PGM1: variants seen among roughly 807,000 people sequenced by gnomAD.
The protein encoded by PGM1 is phosphoglucomutase 1, also known as phosphoglucomutase-1.
A neutral mutation model predicts 55.6 loss-of-function variants in PGM1; 52 were observed. The observed-to-expected ratio is 0.94, with a 90% CI of 0.75 to 1.18. PGM1 has a LOEUF of 1.18. PGM1 is among the 50% of genes most tolerant of loss of function. The pLI is 0.00. For missense variants in PGM1, 724 were observed against 729.3 expected (o/e 0.99, Z 0.08); for synonymous variants, 287 against 271.7 (o/e 1.06, Z -0.55).
chr1:63,633,688 G>T (rs1430180225), intron 4 of PGM1, among the ~76,000 whole-genome samples: 1 of 149,130 alleles, frequency 6.7e-6, no homozygotes, highest in Non-Finnish European at 1.5e-5. Flanking sequence ...TTTTTTTTGA[G>T]ACGGAGTCTT....
chr1:63,644,037 C>T (rs1157721094), intron 7 of PGM1, among the ~76,000 whole-genome samples: 1 of 152,206 alleles, frequency 6.6e-6, no homozygotes, highest in East Asian at 1.9e-4. Context: ...TGTCACCTGG[C>T]AGGGGCAGAA....
chr1:63,600,083 G>C (rs1387927571), intron 1 of PGM1: 1 of 152,234 alleles, frequency 6.6e-6, no homozygotes, highest in East Asian at 1.9e-4. Flanking sequence ...AGAGCGGATA[G>C]TGTGCGATAG....
Position 63,593,651 on chromosome 1 carries a change from G to T in PGM1, c.163G>T (p.Ala55Ser), listed in dbSNP as rs1418570453. The change falls in exon 1 of 11, where the codon GCC becomes TCC. Residue 55 changes from alanine (A) to serine (S), a missense_variant. Around this residue, in one of 3 missense-constraint regions of PGM1, gnomAD observed 379 missense variants for 357.5 expected, o/e 1.06. Transcript: ENST00000371084. ...CGTGGAGCCGGCGCAGCGGCAGGAGGCCACGCTGGTGGTGGGCGGGGACGG... is the reference window on the plus strand; with the variant it reads ...CGTGGAGCCGGCGCAGCGGCAGGAGTCCACGCTGGTGGTGGGCGGGGACGG... ...STVEPAQRQE[A>S]TLVVGGDGRF... is the part of the protein sequence containing the mutation. 2 of 1,610,380 alleles carry T rather than the reference G, an allele frequency of 1.2e-6. No individual in the cohort carries two copies. The highest frequency in any genetic ancestry group is 1.7e-6 in the Non-Finnish European group (2 of 1,178,762).
chr1:63,653,629 A>G (rs1399747848), intron 9 of PGM1, among the ~76,000 whole-genome samples: 1 of 152,040 alleles, frequency 6.6e-6, no homozygotes. Context: ...GGAAATATCT[A>G]CCCCAGAGTT....
intron 1 of PGM1, among the ~76,000 whole-genome samples, chr1:63,601,277 T>C (rs947480511): frequency 6.6e-6 from 1 of 152,192 alleles, no homozygotes; most frequent in African/African-American, 2.4e-5. Flanking sequence ...GTTGTGAAAC[T>C]CCAGAGTTCC....
At chr1:63,623,293 A>C in intron 1 of PGM1, 1 of 1,447,486 alleles carries the variant, frequency 6.9e-7, no homozygotes. Flanking sequence ...AGGGACAACA[A>C]CAACAAGGAA....
intron 1 of PGM1, among the ~76,000 whole-genome samples, chr1:63,604,959 G>GTGTGTGTGTGTGTGTGTGTGTGTGTT (rs58900430): frequency 7.4e-6 from 1 of 134,236 alleles, no homozygotes; most frequent in Non-Finnish European, 1.6e-5. Context: ...GTGTGTGTGT[G>GTGTGTGTGTGTGTGTGTGTGTGTGTT]TAAAGAGAGG....
At chr1:63,651,263 G>A (rs887557078) in intron 8 of PGM1, 2 of 208,834 alleles carry the variant, frequency 9.6e-6, no homozygotes, top group Non-Finnish European at 2.0e-5. Context: ...AGCCCAGGGA[G>A]CTTGGAGGAG....
chr1:63,658,639 T>A (rs59784071), intron 10 of PGM1, among the ~76,000 whole-genome samples: 12,883 of 151,376 alleles, frequency 0.085, 841 homozygotes, highest in African/African-American at 0.19. Context: ...GTAATCCCAG[T>A]CACTAGAGAG....
chr1:63,598,483 G>A (rs1309114561), intron 1 of PGM1, among the ~76,000 whole-genome samples: 1 of 152,064 alleles, frequency 6.6e-6, no homozygotes, highest in Non-Finnish European at 1.5e-5. Flanking sequence ...GTTTTGAGAC[G>A]TCTGCAATCT....
intron 1 of PGM1, chr1:63,594,057 C>T: frequency 1.9e-6 from 2 of 1,079,356 alleles, no homozygotes; most frequent in Non-Finnish European, 2.2e-6. Flanking sequence ...GTCCCCCGCC[C>T]CTCCCGAGGC....
intron 7 of PGM1, among the ~76,000 whole-genome samples, chr1:63,640,378 T>A (rs1407280111): frequency 6.6e-6 from 1 of 152,122 alleles, no homozygotes; most frequent in Non-Finnish European, 1.5e-5. Flanking sequence ...ATTGGAAAAA[T>A]TGGACCACAC....
rs1161161385 is a variant in PGM1 at position 63,615,550 on chromosome 1, CTTTT to C, written c.247-13848_247-13845del. 9.3e-3 allele frequency among the ~76,000 whole-genome samples: 583 copies of C among 62,792 alleles called. 1 individual carries two copies. Among genetic ancestry groups the C allele is most frequent in the African/African-American group, 0.037 (545 of 14,644 alleles). The allele number at this position is 62,792 out of a possible 152,430, so 41.2% of individuals were successfully genotyped here. On this transcript the variant is annotated intron_variant, in intron 1 of 10. Transcript: ENST00000371084. The stretch of plus-strand genomic sequence containing the variant: ...CCATTTCTCTCCTCTTCTTCTTCTT[CTTTT>C]TTTTTTTTTTTTTTTTTTTTTTTTT...
Position 63,659,590 on chromosome 1 carries a change from T to C in PGM1, c.1604T>C (p.Met535Thr), listed in dbSNP as rs1203025806. Residue 535 changes from methionine to threonine, a missense_variant, in exon 11 of 11, where the codon ATG becomes ACG. Met to Thr is a moderately conservative substitution (Grantham distance 81). Transcript: ENST00000371084. ...VAKINQDPQV[M>T]LAPLISIALK... is the part of the protein sequence containing the mutation. ...TTCTCTCTATGTCTTCCTCAGGTCA[T>C]GTTGGCCCCCCTTATTTCCATTGCT... 1 of 1,613,590 alleles carries C rather than the reference T, an allele frequency of 6.2e-7. No individual in the cohort carries two copies. Among genetic ancestry groups the C allele is most frequent in the South Asian group, 1.1e-5 (1 of 91,064 alleles).
chr1:63,607,553 A>G (rs1204592298), intron 1 of PGM1, among the ~76,000 whole-genome samples: 1 of 152,162 alleles, frequency 6.6e-6, no homozygotes, highest in South Asian at 2.1e-4. Flanking sequence ...TGCAGAAGAT[A>G]AGTGTGTCTT....
chr1:63,629,963 C>G lies in PGM1; in HGVS notation c.431C>G (p.Thr144Ser), dbSNP rs749722491. 9.3e-6 allele frequency: 15 copies of G among 1,614,018 alleles called. No homozygotes were observed. Among genetic ancestry groups the G allele is most frequent in the Non-Finnish European group, 1.3e-5 (15 of 1,179,948 alleles). ...CCAGGTCCTGCTCCAGAAGCAATAA[C>G]TGATAAAATTTTCCAAATCAGCAAG... ...SNGGPAPEAI[T>S]DKIFQISKTI... The change falls in exon 3 of 11, where the codon ACT becomes AGT. Residue 144 changes from threonine to serine, a missense_variant. This residue lies in a region of PGM1 where 379 missense variants were observed against 357.5 expected (regional missense o/e 1.06). Transcript: ENST00000371084.
chr1:63,628,408 A>G (rs1402610704), intron 1 of PGM1, among the ~76,000 whole-genome samples: 4 of 152,314 alleles, frequency 2.6e-5, no homozygotes, highest in East Asian at 1.9e-4. Flanking sequence ...ACGGTTTTCA[A>G]TGGGCTATGG....
intron 1 of PGM1, among the ~76,000 whole-genome samples, chr1:63,607,371 G>A (rs1232040076): frequency 5.9e-5 from 9 of 152,160 alleles, no homozygotes; most frequent in African/African-American, 1.2e-4. Flanking sequence ...GTCCTCATTC[G>A]CAAGGAGCTG....
chr1:63,634,918 G>A lies in PGM1; in HGVS notation c.772G>A (p.Gly258Arg), dbSNP rs1182571980. Residue 258 changes from glycine (G) to arginine (R), a missense_variant, in exon 5 of 11, where the codon GGA (glycine) becomes AGA (arginine). Physicochemically the swap from Gly to Arg is moderately radical, Grantham distance 125. This residue lies in a region of PGM1 where 379 missense variants were observed against 357.5 expected (regional missense o/e 1.06). Transcript: ENST00000371084. ...TAACTGCGTTCCTCTGGAGGACTTT[G>A]GAGGCCACCACCCTGACCCCAACCT... ...AVNCVPLEDF[G>R]GHHPDPNLTY... 6.2e-7 allele frequency: 1 copy of A among 1,613,940 alleles called. No individual in the cohort carries two copies. Among genetic ancestry groups the A allele is most frequent in the African/African-American group, 1.3e-5 (1 of 75,028 alleles).
Sources: gnomAD v4.1 joint callset for allele counts (sites outside exome capture counted in the v4.1 genomes callset) on GRCh38, gnomAD v4.1.1 for gene constraint, gnomAD v4.1.1 regional missense constraint, MANE v1.5 for transcripts, NCBI Gene and HGNC (gene_info 2026-07-23, HGNC 2026-07-21) for gene names.